Variants in NELL2 observed in about 807,000 individuals in gnomAD.
NELL2 encodes the protein neural EGFL like 2.
NELL2 carries 41 observed loss-of-function variants against 109.6 expected under a neutral mutation model. That is an observed-to-expected ratio of 0.37 (90% CI 0.29 to 0.49). The LOEUF is 0.49. Among genes scored for constraint, NELL2 ranks in the 20% least tolerant of loss-of-function variants. The pLI is 0.98. For synonymous variants in NELL2, 355 were observed against 344.7 expected (o/e 1.03, Z -0.33); for missense variants, 900 against 1,008.3 (o/e 0.89, Z 1.45).
chr12:44,760,449 T>C (rs1941074395), intron 9 of NELL2, among the ~76,000 whole-genome samples: 1 of 152,022 alleles, frequency 6.6e-6, no homozygotes, highest in South Asian at 2.1e-4. Flanking sequence ...CCAAAGAAAT[T>C]TTTAAAAAGA....
chr12:44,676,329 T>A (rs563932897), intron 12 of NELL2, among the ~76,000 whole-genome samples: 5 of 152,256 alleles, frequency 3.3e-5, no homozygotes, highest in African/African-American at 1.2e-4. Flanking sequence ...TTTTTTTAAA[T>A]ATAAAATTTC....
rs545420055 is a variant in NELL2 at position 44,711,228 on chromosome 12, T to G, written c.1189+64A>C. 3.5e-6 allele frequency: 4 copies of G among 1,152,238 alleles called. No homozygotes were observed. The South Asian group carries it at 5.0e-5, about 15-fold the overall frequency. The allele number at this position is 1,152,238 out of a possible 1,614,324, so 71.4% of individuals were successfully genotyped here. ...TGCTTATGAGAATTTCTACTTCATG[T>G]CAGTTGTACTAGCCTACTATAATAA... is the stretch of plus-strand genomic sequence containing the variant. On this transcript the variant is annotated intron_variant, in intron 11 of 19. Coordinates refer to ENST00000429094, the MANE Select transcript of NELL2 (RefSeq NM_001145108.2).
At chr12:44,809,895 C>T (rs983894618) in intron 3 of NELL2, among the ~76,000 whole-genome samples, 1 of 152,024 alleles carries the variant, frequency 6.6e-6, no homozygotes, top group Admixed American at 6.6e-5. Context: ...GATTAGATAT[C>T]CAGCATTAAC....
chr12:44,523,949 A>C (rs986608040), intron 16 of NELL2, among the ~76,000 whole-genome samples: 8 of 152,246 alleles, frequency 5.3e-5, no homozygotes, highest in African/African-American at 1.9e-4. Context: ...TTTATGCAAT[A>C]TCAAGCCTTA....
At chr12:44,536,882 C>G (rs1242156835) in intron 15 of NELL2, among the ~76,000 whole-genome samples, 2 of 151,820 alleles carry the variant, frequency 1.3e-5, no homozygotes, top group East Asian at 3.9e-4. Flanking sequence ...CAGTCATACT[C>G]TGGGGATCAG....
At chr12:44,812,344 G>T (rs1181857124) in intron 3 of NELL2, among the ~76,000 whole-genome samples, 1 of 152,132 alleles carries the variant, frequency 6.6e-6, no homozygotes, top group African/African-American at 2.4e-5. Flanking sequence ...TTTTTCTGAA[G>T]TGACCAGCTA....
At chr12:44,852,879 A>G (rs1255831998) in intron 2 of NELL2, among the ~76,000 whole-genome samples, 1 of 152,178 alleles carries the variant, frequency 6.6e-6, no homozygotes, top group Non-Finnish European at 1.5e-5. Flanking sequence ...ACAGCAGCAA[A>G]GGGATGAAAA....
At chr12:44,510,048 T>C (rs987363689) in intron 19 of NELL2, among the ~76,000 whole-genome samples, 1 of 152,156 alleles carries the variant, frequency 6.6e-6, no homozygotes, top group African/African-American at 2.4e-5. Flanking sequence ...GTTTTTGATA[T>C]AAGGTATCAA....
chr12:44,814,533 AG>A (rs1457714238), intron 3 of NELL2, among the ~76,000 whole-genome samples: 1 of 152,168 alleles, frequency 6.6e-6, no homozygotes, highest in Non-Finnish European at 1.5e-5. Flanking sequence ...AACAGACTGA[AG>A]GGAATAGCCC....
At chr12:44,576,386 T>C (rs577712906) in intron 15 of NELL2, among the ~76,000 whole-genome samples, 2 of 152,300 alleles carry the variant, frequency 1.3e-5, no homozygotes, top group South Asian at 4.1e-4. Flanking sequence ...TTTTCCACGA[T>C]TAAATCACAG....
chr12:44,876,159 G>A lies in NELL2; in HGVS notation c.-290C>T, dbSNP rs187475564. On this transcript the variant is annotated 5_prime_UTR_variant, in exon 1 of 20. Coordinates refer to ENST00000429094, the MANE Select transcript of NELL2 (RefSeq NM_001145108.2). ...GGAGGGGTCGGACTCGCCCCGGCGC[G>A]GCTCCGTCGGGGAATTAGCTCCCGA... The A allele has an allele frequency of 1.2e-5, 15 of 1,258,228 alleles. No homozygotes were observed. The highest frequency in any genetic ancestry group is 7.1e-5 in the Admixed American group (2 of 28,076). The allele number at this position is 1,258,228 out of a possible 1,614,324, so 77.9% of individuals were successfully genotyped here.
intron 15 of NELL2, among the ~76,000 whole-genome samples, chr12:44,598,897 T>A (rs1232751569): frequency 1.7e-4 from 21 of 120,936 alleles, no homozygotes; most frequent in East Asian, 6.5e-4. Context: ...TCTCTCTCTC[T>A]CTCTCTCTCT....
At chr12:44,884,179 T>C (rs1040150825) in intron 1 of NELL2, among the ~76,000 whole-genome samples, 1 of 151,848 alleles carries the variant, frequency 6.6e-6, no homozygotes, top group Admixed American at 6.5e-5. Flanking sequence ...TTGAATGTCA[T>C]ATGTGAATGT....
At chr12:44,571,669 T>C (rs957257692) in intron 15 of NELL2, among the ~76,000 whole-genome samples, 4 of 152,242 alleles carry the variant, frequency 2.6e-5, no homozygotes, top group African/African-American at 9.6e-5. Context: ...AATACCTTTA[T>C]TGAAACACCA....
chr12:44,653,996 C>T (rs1947397294), intron 13 of NELL2, among the ~76,000 whole-genome samples: 2 of 152,134 alleles, frequency 1.3e-5, no homozygotes, highest in South Asian at 4.1e-4. Context: ...TCACTTCTTT[C>T]TCTCTTGAAA....
intron 14 of NELL2, 25 bp downstream of exon 14, chr12:44,610,823 A>T (rs1414690444): frequency 6.2e-7 from 1 of 1,612,458 alleles, no homozygotes; most frequent in East Asian, 2.2e-5. Flanking sequence ...ATAATGGAAG[A>T]GGCACTGGCA....
At chr12:44,840,722 C>T (rs533152376) in intron 2 of NELL2, among the ~76,000 whole-genome samples, 4 of 152,018 alleles carry the variant, frequency 2.6e-5, no homozygotes, top group South Asian at 2.1e-4. Flanking sequence ...CATTTCCTAA[C>T]CACAGAAATT....
At chr12:44,828,297 C>T (rs1289168619) in intron 2 of NELL2, among the ~76,000 whole-genome samples, 2 of 152,074 alleles carry the variant, frequency 1.3e-5, no homozygotes, top group African/African-American at 4.8e-5. Context: ...CACTTCCTCT[C>T]CCTTAACACA....
intron 3 of NELL2, among the ~76,000 whole-genome samples, chr12:44,782,872 A>C (rs1942017627): frequency 6.6e-6 from 1 of 152,014 alleles, no homozygotes; most frequent in East Asian, 1.9e-4. Context: ...ATAACTCAAA[A>C]ATACCATCAA....
Sources: allele counts gnomAD v4.1 joint callset (sites outside exome capture counted in the v4.1 genomes callset), GRCh38; gene constraint gnomAD v4.1.1; transcripts MANE v1.5; gene names NCBI Gene and HGNC (gene_info 2026-07-23, HGNC 2026-07-21).